The following KLF13 variants were observed in gnomAD, a reference collection of about 807,000 sequenced individuals.
KLF13 encodes the protein KLF transcription factor 13, also known as Krueppel-like factor 13.
KLF13 carries 8 observed loss-of-function variants against 16.7 expected under a neutral mutation model. That is an observed-to-expected ratio of 0.48 (90% CI 0.28 to 0.87). The LOEUF (loss-of-function observed/expected upper bound fraction) is 0.87, where lower values mean the gene tolerates loss of function less well. Ranked by LOEUF, KLF13 falls within the 40% of genes least tolerant of loss-of-function variation. KLF13 has a pLI of 0.10. For missense variants in KLF13, 447 were observed against 452.2 expected (o/e 0.99, Z 0.10); for synonymous variants, 245 against 208.4 (o/e 1.18, Z -1.51).
At chr15:31,381,157 G>A (rs964892021), downstream of KLF13, among the ~76,000 whole-genome samples, 1 of 124,382 alleles carries the variant, frequency 8.0e-6, no homozygotes, top group Non-Finnish European at 1.6e-5. Flanking sequence ...GGGCGACAGT[G>A]CAAGACTCTG....
downstream of KLF13, among the ~76,000 whole-genome samples, chr15:31,408,951 C>G (rs8042812): frequency 0.11 from 16,063 of 152,038 alleles, 2,957 homozygotes; most frequent in African/African-American, 0.37. Flanking sequence ...TGAAGTTGAA[C>G]ATAAGTCAAT....
intron 1 of KLF13, among the ~76,000 whole-genome samples, chr15:31,429,695 T>TTTTATTTA (rs201016352): frequency 3.6e-5 from 5 of 137,638 alleles, no homozygotes; most frequent in Admixed American, 7.4e-5. Flanking sequence ...AGAAAGATTC[T>TTTTATTTA]TTTATTTATT....
chr15:31,334,480 T>C lies in KLF13; in HGVS notation c.577+6691T>C, dbSNP rs978684953. Among the ~76,000 whole-genome samples the C allele has an allele frequency of 2.6e-5, 4 of 151,966 alleles. No individual in the cohort carries two copies. The East Asian group carries it at 7.7e-4, about 29-fold the overall frequency. On this transcript the variant is annotated intron_variant, in intron 1 of 1. Coordinates refer to ENST00000307145, the MANE Select transcript of KLF13 (RefSeq NM_015995.4). ...CTTGCTCTTGTCCCCCAGGCTGGAG[T>C]GCAATGGCACAATCTCGGCTCACTG... is the stretch of plus-strand genomic sequence containing the variant.
intron 1 of KLF13, among the ~76,000 whole-genome samples, chr15:31,434,366 G>T (rs1352543044): frequency 6.6e-6 from 1 of 152,174 alleles, no homozygotes; most frequent in African/African-American, 2.4e-5. Context: ...GTGGCATTGA[G>T]CTGGCTCTGG....
chr15:31,342,866 G>A (rs1333959977), intron 1 of KLF13, among the ~76,000 whole-genome samples: 1 of 152,172 alleles, frequency 6.6e-6, no homozygotes, highest in African/African-American at 2.4e-5. Flanking sequence ...TCCTGTGAGT[G>A]TATTTTGTTG....
intron 1 of KLF13, among the ~76,000 whole-genome samples, chr15:31,340,308 A>T (rs560854349): frequency 5.0e-4 from 76 of 152,346 alleles, no homozygotes; most frequent in African/African-American, 1.8e-3. Flanking sequence ...ACCAAAAAAG[A>T]TGTTCAGATT....
In KLF13 at chr15:31,372,334, C is replaced by T. The variant is rs554374141; in HGVS notation, c.*35C>T. 2 of 1,433,002 alleles carry T rather than the reference C, an allele frequency of 1.4e-6. No individual in the cohort carries two copies. Among genetic ancestry groups the T allele is most frequent in the Admixed American group, 2.8e-5 (1 of 35,254 alleles). The allele number at this position is 1,433,002 out of a possible 1,614,324, so 88.8% of individuals were successfully genotyped here. The stretch of plus-strand genomic sequence containing the variant: ...AGCCATGAGCAGCCGCTCCCACCCC[C>T]TCGTGAGTCCCTGGCCTTTCCTTTT... On this transcript the variant is annotated 3_prime_UTR_variant, in exon 2 of 2. Coordinates refer to ENST00000307145, the MANE Select transcript of KLF13 (RefSeq NM_015995.4).
chr15:31,386,909 A>G (rs999851776), intron 1 of KLF13, among the ~76,000 whole-genome samples: 1 of 152,242 alleles, frequency 6.6e-6, no homozygotes, highest in Non-Finnish European at 1.5e-5. Context: ...TATTTACAGC[A>G]TGGTTTACTG....
At chr15:31,390,876 C>T (rs1329995479), upstream of KLF13, among the ~76,000 whole-genome samples, 3 of 151,836 alleles carry the variant, frequency 2.0e-5, no homozygotes. Context: ...GGCTTCCTTA[C>T]TCAAATCTCA....
intron 1 of KLF13, among the ~76,000 whole-genome samples, chr15:31,337,425 C>CT (rs1259349946): frequency 6.6e-6 from 1 of 152,212 alleles, no homozygotes; most frequent in Non-Finnish European, 1.5e-5. Flanking sequence ...GTTTTATTAT[C>CT]TTTTCCAGAG....
downstream of KLF13, among the ~76,000 whole-genome samples, chr15:31,409,069 G>C (rs1430369892): frequency 6.6e-6 from 1 of 152,026 alleles, no homozygotes; most frequent in Non-Finnish European, 1.5e-5. Context: ...TGGATCACCT[G>C]AGGTCAGGAG....
intron 2 of KLF13, among the ~76,000 whole-genome samples, chr15:31,398,278 G>A (rs1216308029): frequency 6.6e-6 from 1 of 152,148 alleles, no homozygotes; most frequent in Non-Finnish European, 1.5e-5. Context: ...CAAGGAAACA[G>A]CCCAGGTGTT....
chr15:31,432,210 AT>A (rs546658931), intron 1 of KLF13, among the ~76,000 whole-genome samples: 1 of 151,690 alleles, frequency 6.6e-6, no homozygotes, highest in East Asian at 1.9e-4. Flanking sequence ...GAAGTTGAGA[AT>A]TTTTTTTCCT....
chr15:31,366,188 T>A (rs71399743), intron 1 of KLF13: 119,075 of 145,936 alleles, frequency 0.82, 47,888 homozygotes, highest in South Asian at 0.89. Flanking sequence ...GAGTCCCCCC[T>A]CTGCTTGGCA....
chr15:31,356,608 A>G (rs1421641343), intron 1 of KLF13, among the ~76,000 whole-genome samples: 1 of 152,256 alleles, frequency 6.6e-6, no homozygotes, highest in African/African-American at 2.4e-5. Context: ...TAATTCACTT[A>G]GGAGAATGGG....
downstream of KLF13, among the ~76,000 whole-genome samples, chr15:31,379,838 A>G (rs1449115995): frequency 2.6e-5 from 4 of 151,990 alleles, no homozygotes; most frequent in African/African-American, 9.7e-5. Context: ...CTTTTTCCAT[A>G]TTTCTCAGGA....
chr15:31,353,663 C>A (rs550631532), intron 1 of KLF13, among the ~76,000 whole-genome samples: 19 of 152,374 alleles, frequency 1.2e-4, no homozygotes, highest in East Asian at 3.8e-4. Flanking sequence ...TATCCTCCCC[C>A]CAAAGGGAGA....
chr15:31,404,481 A>T (rs1474157299), exon 3 of KLF13: 1 of 152,232 alleles, frequency 6.6e-6, no homozygotes, highest in South Asian at 2.1e-4. Context: ...TCTAAAATGG[A>T]CCAATCAGTG....
At chr15:31,384,465 C>G (rs1344213255) in intron 1 of KLF13, among the ~76,000 whole-genome samples, 1 of 152,194 alleles carries the variant, frequency 6.6e-6, no homozygotes, top group African/African-American at 2.4e-5. Flanking sequence ...AGAACCAACT[C>G]AAGCAATTGT....
Sources: allele counts gnomAD v4.1 joint callset (sites outside exome capture counted in the v4.1 genomes callset), GRCh38; gene constraint gnomAD v4.1.1; transcripts MANE v1.5; gene names NCBI Gene and HGNC (gene_info 2026-07-23, HGNC 2026-07-21).